ELP4: variants seen among roughly 807,000 people sequenced by gnomAD.
ELP4 encodes elongator acetyltransferase complex subunit 4, also known as elongator complex protein 4.
ELP4 carries 51 observed loss-of-function variants against 48.9 expected under a neutral mutation model. The ratio of observed to expected loss-of-function variants is 1.04; its 90% CI spans 0.83 to 1.32. The LOEUF (loss-of-function observed/expected upper bound fraction) is 1.32. Ranked by LOEUF, ELP4 falls within the 40% of genes most tolerant of loss-of-function variation. The pLI, the probability that ELP4 is intolerant of heterozygous loss-of-function variation, is 0.00. For missense variants in ELP4, 519 were observed against 514.6 expected, an observed-to-expected ratio of 1.01 and a Z score of -0.08; for synonymous variants, 210 against 189.2, an observed-to-expected ratio of 1.11 and a Z score of -0.90.
At chr11:31,598,033 G>A (rs564485497) in intron 4 of ELP4, among the ~76,000 whole-genome samples, 3 of 125,666 alleles carry the variant, frequency 2.4e-5, no homozygotes, top group South Asian at 2.7e-4. Flanking sequence ...TCAGCTCACC[G>A]CAACCTCCGC....
chr11:31,597,952 C>CTTTTTTT lies in ELP4; in HGVS notation c.513+3066_513+3072dup, dbSNP rs58093641. On this transcript the variant is annotated intron_variant, in intron 4 of 9. Transcript: ENST00000640961. ...GTAACTAAAGCTTTAAGCCTTTTCT[C>CTTTTTTT]TTTTTTTTTTTTTTTTTTTTTGAGA... 2.6e-4 allele frequency among the ~76,000 whole-genome samples: 25 copies of CTTTTTTT among 96,304 alleles called. 1 individual carries two copies. The highest frequency in any genetic ancestry group is 4.0e-4 in the South Asian group (1 of 2,486). 63.2% of individuals were successfully genotyped at this position (96,304 alleles called of 152,430 possible). A position where few individuals can be genotyped will look rare whatever the true frequency, so the allele number is the denominator to read the frequency against.
At chr11:31,675,231 T>C (rs1341917994) in intron 9 of ELP4, among the ~76,000 whole-genome samples, 1 of 151,906 alleles carries the variant, frequency 6.6e-6, no homozygotes, top group African/African-American at 2.4e-5. Context: ...CCAAGAGTCA[T>C]GAGAGGGAGT....
At chr11:31,639,912 A>G (rs1945056944) in intron 7 of ELP4, among the ~76,000 whole-genome samples, 1 of 151,980 alleles carries the variant, frequency 6.6e-6, no homozygotes. Flanking sequence ...GGTAGTAGTT[A>G]TTAGCTAAAG....
At chr11:31,771,737 T>C (rs1424725535) in intron 9 of ELP4, among the ~76,000 whole-genome samples, 1 of 152,190 alleles carries the variant, frequency 6.6e-6, no homozygotes, top group Admixed American at 6.5e-5. Context: ...CCCAGCACTT[T>C]GGGAGGCCAA....
intron 5 of ELP4, among the ~76,000 whole-genome samples, chr11:31,622,976 C>A (rs1944653785): frequency 6.6e-6 from 1 of 151,116 alleles, no homozygotes; most frequent in African/African-American, 2.4e-5. Context: ...TCTTTATGTT[C>A]TTTGTATAGC....
At chr11:31,768,653 C>A (rs914300297) in intron 9 of ELP4, among the ~76,000 whole-genome samples, 1 of 151,988 alleles carries the variant, frequency 6.6e-6, no homozygotes, top group African/African-American at 2.4e-5. Flanking sequence ...TTGTCAAATA[C>A]CTATAGTAAA....
chr11:31,522,937 G>A (rs1047079529), intron 2 of ELP4, among the ~76,000 whole-genome samples: 1 of 150,878 alleles, frequency 6.6e-6, no homozygotes, highest in Non-Finnish European at 1.5e-5. Context: ...GTAGCTCACT[G>A]CAGCCTCCAA....
At chr11:31,700,998 A>G (rs1946510767) in intron 9 of ELP4, among the ~76,000 whole-genome samples, 1 of 152,032 alleles carries the variant, frequency 6.6e-6, no homozygotes, top group Non-Finnish European at 1.5e-5. Context: ...TCCTCTTTAC[A>G]AGGTTAAAAT....
intron 9 of ELP4, chr11:31,681,973 T>G (rs1311279735): frequency 2.3e-6 from 2 of 870,440 alleles, no homozygotes; most frequent in Non-Finnish European, 3.2e-6. Context: ...ACTCCTGACC[T>G]CAGGTGATTC....
chr11:31,594,496 C>T (rs988122433), intron 3 of ELP4, among the ~76,000 whole-genome samples: 6 of 152,134 alleles, frequency 3.9e-5, no homozygotes, highest in Admixed American at 3.9e-4. Context: ...TGAGTATAAC[C>T]TCTTGTTAGA....
chr11:31,653,684 G>C (rs548503738), intron 9 of ELP4: 16 of 151,650 alleles, frequency 1.1e-4, no homozygotes, highest in African/African-American at 3.4e-4. Context: ...TTATGAATGG[G>C]CTTTTAAAAA....
intron 2 of ELP4, among the ~76,000 whole-genome samples, chr11:31,523,417 A>G (rs1357858572): frequency 6.6e-6 from 1 of 152,140 alleles, no homozygotes; most frequent in African/African-American, 2.4e-5. Context: ...CAACTTTTTA[A>G]CCATTTTCTC....
chr11:31,524,768 C>A (rs1199645128), intron 2 of ELP4, among the ~76,000 whole-genome samples: 1 of 152,090 alleles, frequency 6.6e-6, no homozygotes, highest in Non-Finnish European at 1.5e-5. Flanking sequence ...CTACATCATG[C>A]AATAAATTCT....
intron 3 of ELP4, among the ~76,000 whole-genome samples, chr11:31,543,117 GA>G (rs907560374): frequency 2.0e-5 from 3 of 151,902 alleles, no homozygotes; most frequent in Non-Finnish European, 2.9e-5. Context: ...ATAGACTGGG[GA>G]AAAAAAAGAT....
rs576490676 is a variant in ELP4, at chr11:31,548,681, A to C, written c.381+8898A>C. ...AAAAAAGAGCCCGCATGGCCAAGTC[A>C]ATCCTAAGCCAAAAGAACAAAGCTG... On this transcript the variant is annotated intron_variant, in intron 3 of 9. Transcript: ENST00000640961. Among the ~76,000 whole-genome samples the C allele has an allele frequency of 6.1e-3, 927 of 152,296 alleles. 15 individuals carry two copies. The highest frequency in any genetic ancestry group is 0.03 in the Admixed American group (452 of 15,296).
At chr11:31,601,344 A>G (rs1000857656) in intron 4 of ELP4, among the ~76,000 whole-genome samples, 10 of 152,092 alleles carry the variant, frequency 6.6e-5, no homozygotes, top group Non-Finnish European at 1.3e-4. Flanking sequence ...TGTTAATTGA[A>G]AAGATTAAAG....
intron 3 of ELP4, among the ~76,000 whole-genome samples, chr11:31,585,239 A>G (rs1366611970): frequency 6.6e-6 from 1 of 152,184 alleles, no homozygotes; most frequent in African/African-American, 2.4e-5. Context: ...GGATAATCTT[A>G]AGAATTAATT....
chr11:31,747,041 G>T (rs1387448390), intron 9 of ELP4, among the ~76,000 whole-genome samples: 1 of 152,024 alleles, frequency 6.6e-6, no homozygotes, highest in Non-Finnish European at 1.5e-5. Context: ...CACTGTGTGT[G>T]TGTGTGTGTG....
chr11:31,548,832 C>T (rs1453976207), intron 3 of ELP4, among the ~76,000 whole-genome samples: 8 of 152,286 alleles, frequency 5.3e-5, no homozygotes, highest in African/African-American at 1.4e-4. Flanking sequence ...AAAAATGCTG[C>T]ATATCTACAA....
Sources: gnomAD v4.1 joint callset for allele counts (sites outside exome capture counted in the v4.1 genomes callset) on GRCh38, gnomAD v4.1.1 for gene constraint, MANE v1.5 for transcripts, NCBI Gene and HGNC (gene_info 2026-07-23, HGNC 2026-07-21) for gene names.